CDC42EP5: variants seen among roughly 807,000 people sequenced by gnomAD.
CDC42EP5 encodes the protein CDC42 effector protein 5.
For missense variants in CDC42EP5, 269 were observed against 238.0 expected (o/e 1.13, Z -0.86); for synonymous variants, 118 against 123.3 (o/e 0.96, Z 0.28).
rs779151052 is a variant in CDC42EP5 at position 54,465,550 on chromosome 19, G to T, written c.1-3C>A. ...CCCAGCTGCTTCAGCACGGGCATCT[G>T]CGAGGGGCACGGGAGGGTCAGCGCG... On this transcript the variant is annotated splice_polypyrimidine_tract_variant and splice_region_variant and intron_variant, in intron 2 of 2. Transcript: ENST00000301200. 9.2e-6 allele frequency: 14 copies of T among 1,521,820 alleles called. No individual in the cohort carries two copies. The highest frequency in any genetic ancestry group is 1.2e-5 in the Non-Finnish European group (14 of 1,146,784). The allele number at this position is 1,521,820 out of a possible 1,614,324, so 94.3% of individuals were successfully genotyped here.
chr19:54,469,799 G>C (rs182567331), intron 2 of CDC42EP5, among the ~76,000 whole-genome samples: 1 of 152,118 alleles, frequency 6.6e-6, no homozygotes, highest in Admixed American at 6.6e-5. Context: ...CCAGTGTCTA[G>C]AGCTGGCTGC....
chr19:54,465,505 G>C lies in CDC42EP5; in HGVS notation c.43C>G (p.Arg15Gly). ...KQLGPAQPKKRPDRGALSISA... is the reference protein window; with the variant it reads ...KQLGPAQPKKGPDRGALSISA... Reference sequence around the variant, plus strand: ...ATGGACAGGGCGCCGCGATCAGGCCGCTTCTTGGGCTGCGCGGGGCCCAGC... The same window carrying C: ...ATGGACAGGGCGCCGCGATCAGGCCCCTTCTTGGGCTGCGCGGGGCCCAGC... The change falls in exon 3 of 3, where the codon CGG (arginine) becomes GGG (glycine). Residue 15 changes from arginine (R) to glycine (G), a missense_variant. Coordinates refer to ENST00000301200, the MANE Select transcript of CDC42EP5 (RefSeq NM_145057.4). 6.5e-7 allele frequency: 1 copy of C among 1,539,202 alleles called. No individual in the cohort carries two copies. Among genetic ancestry groups the C allele is most frequent in the Non-Finnish European group, 8.7e-7 (1 of 1,155,032 alleles).
chr19:54,469,853 C>G (rs1436369662), intron 2 of CDC42EP5, among the ~76,000 whole-genome samples: 1 of 152,158 alleles, frequency 6.6e-6, no homozygotes, highest in African/African-American at 2.4e-5. Flanking sequence ...GCTCTCAGCC[C>G]CTGCCTCTGG....
chr19:54,471,034 A>G, intron 2 of CDC42EP5, among the ~76,000 whole-genome samples: 1 of 152,140 alleles, frequency 6.6e-6, no homozygotes, highest in South Asian at 2.1e-4. Context: ...GTCCTCTTAA[A>G]TAGAAGCCTC....
At chr19:54,471,908 A>AC (rs1254328512) in intron 1 of CDC42EP5, among the ~76,000 whole-genome samples, 4 of 29,666 alleles carry the variant, frequency 1.3e-4, no homozygotes, top group African/African-American at 1.4e-4. Flanking sequence ...AGGAGTCCAG[A>AC]CCCCCAGCCC....
chr19:54,468,717 ATTTT>A (rs34177319), intron 2 of CDC42EP5, among the ~76,000 whole-genome samples: 2 of 138,074 alleles, frequency 1.4e-5, no homozygotes, highest in South Asian at 2.3e-4. Context: ...TTATTTTTGT[ATTTT>A]TTTTTTTTTT....
rs772857476 is a variant in CDC42EP5 at position 54,471,226 on chromosome 19, C to A, written c.-1+319G>T. Among the ~76,000 whole-genome samples, 69 of 152,254 alleles carry A rather than the reference C, an allele frequency of 4.5e-4. 1 individual carries two copies. The Middle Eastern group carries it at 0.01, about 23-fold the overall frequency. On this transcript the variant is annotated intron_variant, in intron 2 of 2. Transcript: ENST00000301200. ...GCCGCGCGTTCTCCCCCCGCCTCCG[C>A]CCACCCCTCTCTTTCCTGCTGGGGC... is the stretch of plus-strand genomic sequence containing the variant.
chr19:54,465,157 G>C lies in CDC42EP5; in HGVS notation c.391C>G (p.Gln131Glu), dbSNP rs150839818. 1.3e-5 allele frequency: 19 copies of C among 1,408,684 alleles called. No individual in the cohort carries two copies. Among genetic ancestry groups the C allele is most frequent in the Non-Finnish European group, 1.7e-5 (19 of 1,088,942 alleles). 87.3% of individuals were successfully genotyped at this position (1,408,684 alleles called of 1,614,324 possible). Residue 131 changes from glutamine (Q) to glutamate (E), a missense_variant, in exon 3 of 3, where the codon CAG (glutamine) becomes GAG (glutamate). Transcript: ENST00000301200. ...AEPRPGTQPP[Q>E]ARCRPNADLE... The stretch of plus-strand genomic sequence containing the variant: ...TCCGCGTTGGGGCGGCAGCGGGCCT[G>C]GGGGGGCTGCGTCCCGGGGCGGGGT...
At chr19:54,472,019 G>A (rs576419916) in intron 1 of CDC42EP5, among the ~76,000 whole-genome samples, 1 of 15,816 alleles carries the variant, frequency 6.3e-5, no homozygotes, top group Non-Finnish European at 1.1e-4. Context: ...AGGAGTCCAG[G>A]CCCCCAGCCC....
At chr19:54,470,120 C>T (rs190548782) in intron 2 of CDC42EP5, among the ~76,000 whole-genome samples, 75 of 152,270 alleles carry the variant, frequency 4.9e-4, no homozygotes, top group Middle Eastern at 6.8e-3. Flanking sequence ...ACAATGCCAG[C>T]TCTTTGGGAG....
rs2084733090 is a variant in CDC42EP5, at chr19:54,465,320, G to A, written c.228C>T (p.Val76=). ...CAGGCGAGGGCGCTGCGGACTGCGG[G>A]ACGGCGGGCGGCGGCGGGGAGCGCG... ...GAPRSPPPPA[V]PQSAAPSPAD... Residue 76 remains valine (V), a synonymous_variant, in exon 3 of 3, where the codon GTC becomes GTT. Transcript: ENST00000301200. The A allele has an allele frequency of 2.5e-6, 3 of 1,201,900 alleles. No individual in the cohort carries two copies. The African/African-American group carries it at 4.8e-5, about 19-fold the overall frequency. The allele number at this position is 1,201,900 out of a possible 1,614,324, so 74.5% of individuals were successfully genotyped here.
chr19:54,471,407 G>A (rs2084835248), intron 2 of CDC42EP5, 138 bp downstream of exon 2: 1 of 152,008 alleles, frequency 6.6e-6, no homozygotes, highest in Non-Finnish European at 1.5e-5. Flanking sequence ...CGGGTCGGGG[G>A]ACCCCAGATG....
rs1377752674 is a variant in CDC42EP5 at position 54,471,620 on chromosome 19, C to A, written c.-76G>T. The A allele has an allele frequency of 1.3e-5, 2 of 152,124 alleles. No individual in the cohort carries two copies. The highest frequency in any genetic ancestry group is 1.3e-4 in the Admixed American group (2 of 15,276). 9.4% of individuals were successfully genotyped at this position (152,124 alleles called of 1,614,324 possible). A position where few individuals can be genotyped will look rare whatever the true frequency, so the allele number is the denominator to read the frequency against. ...AGCCCGGACCCCTGGTTCCCTGGCT[C>A]CGAGTCCGCCTCCGTCTCCTAATCC... On this transcript the variant is annotated 5_prime_UTR_variant, in exon 2 of 3. Transcript: ENST00000301200.
chr19:54,468,777 C>T (rs1053258523), intron 2 of CDC42EP5, among the ~76,000 whole-genome samples: 27 of 150,780 alleles, frequency 1.8e-4, no homozygotes, highest in Admixed American at 1.7e-3. Context: ...GTCTCAAACT[C>T]CTGAGCTCAA....
At position 54,465,093 on chromosome 19, in the gene CDC42EP5, G is replaced by T. The variant is rs773022589; in HGVS notation, c.*8C>A. On this transcript the variant is annotated 3_prime_UTR_variant, in exon 3 of 3. Coordinates refer to ENST00000301200, the MANE Select transcript of CDC42EP5 (RefSeq NM_145057.4). ...GCCGGGCGGGAAGGGCGCGGGGAAT[G>T]AGGGAACCTAGAGGCCGATGACGTC... 2.2e-6 allele frequency: 3 copies of T among 1,345,824 alleles called. No individual in the cohort carries two copies. The highest frequency in any genetic ancestry group is 2.9e-6 in the Non-Finnish European group (3 of 1,048,734). The allele number at this position is 1,345,824 out of a possible 1,614,324, so 83.4% of individuals were successfully genotyped here. A position where few individuals can be genotyped will look rare whatever the true frequency, so the allele number is the denominator to read the frequency against.
chr19:54,469,855 T>C (rs1367963263), intron 2 of CDC42EP5, among the ~76,000 whole-genome samples: 1 of 152,152 alleles, frequency 6.6e-6, no homozygotes, highest in Non-Finnish European at 1.5e-5. Flanking sequence ...TCTCAGCCCC[T>C]GCCTCTGGTC....
At chr19:54,470,333 C>T (rs987397047) in intron 2 of CDC42EP5, among the ~76,000 whole-genome samples, 5 of 151,412 alleles carry the variant, frequency 3.3e-5, no homozygotes, top group Non-Finnish European at 5.9e-5. Context: ...GATCGTCCCA[C>T]CGCACTTCAG....
At chr19:54,469,378 T>TAA (rs10719259) in intron 2 of CDC42EP5, among the ~76,000 whole-genome samples, 27 of 151,036 alleles carry the variant, frequency 1.8e-4, no homozygotes, top group East Asian at 1.6e-3. Context: ...ATCCACAGTT[T>TAA]AAAAAAAAAA....
At chr19:54,470,747 C>T (rs1288237028) in intron 2 of CDC42EP5, among the ~76,000 whole-genome samples, 4 of 152,142 alleles carry the variant, frequency 2.6e-5, no homozygotes, top group Non-Finnish European at 1.5e-5. Flanking sequence ...AGTCACTTGC[C>T]CTGGGTCACA....
Sources: gnomAD v4.1 joint callset for allele counts (sites outside exome capture counted in the v4.1 genomes callset) on GRCh38, gnomAD v4.1.1 for gene constraint, MANE v1.5 for transcripts, NCBI Gene and HGNC (gene_info 2026-07-23, HGNC 2026-07-21) for gene names.